The following ATP10B variants were observed in gnomAD, a reference collection of about 807,000 sequenced individuals.
ATP10B encodes the protein ATPase phospholipid transporting 10B (putative), also known as phospholipid-transporting ATPase VB.
A neutral mutation model predicts 141.2 loss-of-function variants in ATP10B; 122 were observed. The ratio of observed to expected loss-of-function variants is 0.86; its 90% CI spans 0.75 to 1.00. The LOEUF (loss-of-function observed/expected upper bound fraction) is 1.00, where lower values mean the gene tolerates loss of function less well. Ranked by LOEUF, ATP10B falls within the 50% of genes least tolerant of loss-of-function variation. The pLI, the probability that ATP10B is intolerant of heterozygous loss-of-function variation, is 0.00. For missense variants in ATP10B, 1,876 were observed against 1,825.3 expected, an observed-to-expected ratio of 1.03 and a Z score of -0.51; for synonymous variants, 685 against 692.0, an observed-to-expected ratio of 0.99 and a Z score of 0.16.
At chr5:160,799,179 C>T (rs534418721) in intron 1 of ATP10B, among the ~76,000 whole-genome samples, 4 of 152,226 alleles carry the variant, frequency 2.6e-5, no homozygotes, top group South Asian at 2.1e-4. Flanking sequence ...AAGAAGTCCT[C>T]GGACTCAGAA....
intron 7 of ATP10B, among the ~76,000 whole-genome samples, chr5:160,652,308 C>T (rs1760797677): frequency 6.6e-6 from 1 of 151,984 alleles, no homozygotes; most frequent in Non-Finnish European, 1.5e-5. Context: ...GTCCTGCTGG[C>T]TGCAAAGACA....
chr5:160,916,828 G>A, the ATP10B span, among the ~76,000 whole-genome samples: 1 of 152,170 alleles, frequency 6.6e-6, no homozygotes, highest in African/African-American at 2.4e-5. Flanking sequence ...AGTTTAGAAA[G>A]CATCTAGTTC....
At chr5:160,636,119 A>T in intron 11 of ATP10B, 63 bp downstream of exon 11, 2 of 1,504,886 alleles carry the variant, frequency 1.3e-6, no homozygotes, top group Admixed American at 4.5e-5. Context: ...TCTTTATTTT[A>T]CAAAGTTGTA....
At chr5:160,717,168 G>T (rs1326477860) in intron 2 of ATP10B, 134 bp from the exon 3 acceptor site, 1 of 577,142 alleles carries the variant, frequency 1.7e-6, no homozygotes, top group Non-Finnish European at 2.2e-6. Flanking sequence ...ATATACTTAT[G>T]ATAGTAGAAA....
chr5:160,574,555 C>T (rs1581135517), intron 24 of ATP10B, among the ~76,000 whole-genome samples: 2 of 152,236 alleles, frequency 1.3e-5, no homozygotes, highest in African/African-American at 4.8e-5. Context: ...TTGCTTATTG[C>T]TGTGGTTTAA....
chr5:160,923,823 T>C, the ATP10B span, among the ~76,000 whole-genome samples: 5,897 of 152,286 alleles, frequency 0.039, 378 homozygotes, highest in African/African-American at 0.13. Context: ...AACTATACTT[T>C]AAGATCTGTG....
chr5:160,922,082 G>T, the ATP10B span, among the ~76,000 whole-genome samples: 1 of 152,162 alleles, frequency 6.6e-6, no homozygotes, highest in East Asian at 1.9e-4. Flanking sequence ...ATTTTCATGC[G>T]GGTGGGTGTC....
chr5:160,683,741 C>T (rs1408739568), intron 6 of ATP10B, among the ~76,000 whole-genome samples: 1 of 152,168 alleles, frequency 6.6e-6, no homozygotes, highest in Non-Finnish European at 1.5e-5. Context: ...CTAGAGACTC[C>T]ATCATCTTAG....
intron 1 of ATP10B, among the ~76,000 whole-genome samples, chr5:160,797,528 G>A (rs985055400): frequency 6.6e-6 from 1 of 152,158 alleles, no homozygotes; most frequent in African/African-American, 2.4e-5. Context: ...TTTGAAAGTA[G>A]GGGCTATATT....
intron 24 of ATP10B, among the ~76,000 whole-genome samples, chr5:160,581,042 T>C (rs906049477): frequency 6.6e-6 from 1 of 152,218 alleles, no homozygotes; most frequent in African/African-American, 2.4e-5. Context: ...ATTTGATTTT[T>C]CTCTCATTAG....
chr5:160,874,252 G>A, the ATP10B span, among the ~76,000 whole-genome samples: 1 of 79,724 alleles, frequency 1.3e-5, no homozygotes, highest in Non-Finnish European at 3.2e-5. Context: ...GGCTAACTGG[G>A]AGGCACCCCC....
chr5:160,832,964 C>A (rs7701820), intron 1 of ATP10B, among the ~76,000 whole-genome samples: 2 of 152,110 alleles, frequency 1.3e-5, no homozygotes, highest in Non-Finnish European at 2.9e-5. Flanking sequence ...ACTCTCCAAC[C>A]CTTTTCATGG....
At position 160,793,061 on chromosome 5, in the gene ATP10B, C is replaced by T. The variant is rs145235298; in HGVS notation, c.-575-7258G>A. 7.0e-4 allele frequency among the ~76,000 whole-genome samples: 106 copies of T among 152,216 alleles called. 1 individual carries two copies. In the Middle Eastern group the frequency reaches 0.01, roughly 15 times the overall value. ...AGTCACTCTTGAAAATATTTTTAAT[C>T]GGGAGTATGTTCAGAATTCTTAAAT... On this transcript the variant is annotated intron_variant, in intron 1 of 25. Coordinates refer to ENST00000327245, the MANE Select transcript of ATP10B (RefSeq NM_025153.3).
intron 1 of ATP10B, among the ~76,000 whole-genome samples, chr5:160,837,717 A>G (rs1441656780): frequency 1.3e-5 from 2 of 152,136 alleles, no homozygotes; most frequent in Non-Finnish European, 2.9e-5. Context: ...GTAAATAGCT[A>G]TAATTTATTA....
the ATP10B span, among the ~76,000 whole-genome samples, chr5:160,920,412 A>G: frequency 6.6e-6 from 1 of 152,248 alleles, no homozygotes; most frequent in Non-Finnish European, 1.5e-5. Flanking sequence ...TTTCCCACCA[A>G]GCTTAGAAGA....
At chr5:160,806,428 T>TC (rs1445576210) in intron 1 of ATP10B, among the ~76,000 whole-genome samples, 2 of 152,204 alleles carry the variant, frequency 1.3e-5, no homozygotes, top group Non-Finnish European at 2.9e-5. Context: ...CTGCCATCTT[T>TC]CCTTCATAAG....
intron 1 of ATP10B, among the ~76,000 whole-genome samples, chr5:160,827,499 G>T (rs1416793379): frequency 6.6e-6 from 1 of 152,156 alleles, no homozygotes; most frequent in Non-Finnish European, 1.5e-5. Flanking sequence ...TTTTTAATGA[G>T]ATTGTTTCTT....
chr5:160,675,206 C>T (rs931765280), intron 6 of ATP10B, among the ~76,000 whole-genome samples: 1 of 152,232 alleles, frequency 6.6e-6, no homozygotes, highest in African/African-American at 2.4e-5. Context: ...AACATCCACA[C>T]ACCCTGGACT....
At chr5:160,727,701 A>G (rs1766455116) in intron 2 of ATP10B, among the ~76,000 whole-genome samples, 1 of 152,144 alleles carries the variant, frequency 6.6e-6, no homozygotes, top group African/African-American at 2.4e-5. Flanking sequence ...CCCATAAAGG[A>G]AAATTAAAAA....
Sources: allele counts gnomAD v4.1 joint callset (sites outside exome capture counted in the v4.1 genomes callset), GRCh38; gene constraint gnomAD v4.1.1; transcripts MANE v1.5; gene names NCBI Gene and HGNC (gene_info 2026-07-23, HGNC 2026-07-21).